SLC26A5: variants seen among roughly 807,000 people sequenced by gnomAD.
SLC26A5 encodes prestin.
Under a neutral mutation model 81.0 loss-of-function variants are expected in SLC26A5, and 51 were observed. The ratio of observed to expected loss-of-function variants is 0.63; its 90% CI spans 0.50 to 0.80. The LOEUF (loss-of-function observed/expected upper bound fraction) is 0.80. SLC26A5 is among the 30% of genes least tolerant of loss of function. The probability of loss-of-function intolerance (pLI) is 0.00; values close to 1 mark genes in which losing one functional copy is unlikely to be tolerated. For missense variants in SLC26A5, 771 were observed against 905.8 expected, an observed-to-expected ratio of 0.85 and a Z score of 1.91; for synonymous variants, 325 against 332.8, an observed-to-expected ratio of 0.98 and a Z score of 0.25.
chr7:103,365,572 T>G (rs919139602), intron 19 of SLC26A5, among the ~76,000 whole-genome samples: 2 of 152,156 alleles, frequency 1.3e-5, no homozygotes, highest in Admixed American at 6.5e-5. Context: ...AAGGTTGCAC[T>G]GAGCCAAGAT....
chr7:103,367,326 G>T lies in SLC26A5; in HGVS notation c.2041+9482C>A. On this transcript the variant is annotated intron_variant, in intron 19 of 19. Coordinates refer to the SLC26A5 transcript ENST00000339444. The surrounding 1 kb of genome is among the most constrained non-coding windows in gnomAD (Gnocchi z 6.1). Reference sequence around the variant, plus strand: ...TCACTTGTGCCTGAGGACATGATTTGAGCTGAGATTTTTGGTACTTTCAGG... The same window carrying T: ...TCACTTGTGCCTGAGGACATGATTTTAGCTGAGATTTTTGGTACTTTCAGG... The T allele has an allele frequency of 5.5e-6, 7 of 1,276,426 alleles. No homozygotes were observed. Among genetic ancestry groups the T allele is most frequent in the Non-Finnish European group, 7.9e-6 (7 of 887,370 alleles). The allele number at this position is 1,276,426 out of a possible 1,614,324, so 79.1% of individuals were successfully genotyped here.
chr7:103,393,115 G>GA lies in SLC26A5; in HGVS notation c.972-50dup, dbSNP rs760264742. The GA allele has an allele frequency of 2.6e-5, 41 of 1,602,572 alleles. 1 individual carries two copies. The Middle Eastern group carries it at 5.1e-4, about 20-fold the overall frequency. ...CTTGTGTTGTGACCACAAGGGAAAA[G>GA]AAAAAAAACCTTGCGACTGCAGGGA... On this transcript the variant is annotated intron_variant, in intron 9 of 19. Transcript: ENST00000306312.
chr7:103,443,499 T>C, intron 1 of SLC26A5, among the ~76,000 whole-genome samples: 1 of 152,212 alleles, frequency 6.6e-6, no homozygotes, highest in East Asian at 1.9e-4. Context: ...AGTTTGCATA[T>C]GAGAAATTGT....
intron 4 of SLC26A5, among the ~76,000 whole-genome samples, chr7:103,419,306 A>G (rs1302390267): frequency 6.6e-6 from 1 of 152,172 alleles, no homozygotes; most frequent in African/African-American, 2.4e-5. Context: ...CTCAGAATGA[A>G]ACCCAAAAAT....
intron 8 of SLC26A5, among the ~76,000 whole-genome samples, chr7:103,402,091 G>A (rs1167274292): frequency 6.6e-6 from 1 of 152,164 alleles, no homozygotes; most frequent in African/African-American, 2.4e-5. Context: ...AGTTAGGGAG[G>A]ATTCCCTCTT....
intron 2 of SLC26A5, among the ~76,000 whole-genome samples, chr7:103,423,099 T>TAAAA (rs564122483): frequency 6.8e-5 from 6 of 87,824 alleles, no homozygotes; most frequent in African/African-American, 2.6e-4. Flanking sequence ...CTGCCTCTAC[T>TAAAA]AAAAAAAAAA....
Position 103,367,884 on chromosome 7 carries a change from T to TTTTG in SLC26A5, c.2041+8920_2041+8923dup, listed in dbSNP as rs1314193467. On this transcript the variant is annotated intron_variant, in intron 19 of 19. Transcript: ENST00000339444. The surrounding 1 kb of genome is among the most constrained non-coding windows in gnomAD (Gnocchi z 6.1). ...CTTTAATTAAGCCCGTTTATTTTCT[T>TTTTG]TTTGTTTGAAAGGTGCTGAGATTAG... 1 of 1,611,708 alleles carries TTTTG rather than the reference T, an allele frequency of 6.2e-7. No homozygotes were observed. The highest frequency in any genetic ancestry group is 1.1e-5 in the South Asian group (1 of 90,870).
intron 8 of SLC26A5, among the ~76,000 whole-genome samples, chr7:103,401,687 G>T (rs1323205809): frequency 6.6e-6 from 1 of 152,154 alleles, no homozygotes; most frequent in East Asian, 1.9e-4. Flanking sequence ...GTATGATATT[G>T]GCTGTGGGTT....
At position 103,411,595 on chromosome 7, in the gene SLC26A5, A is replaced by G. The variant is rs1292816732; in HGVS notation, c.404-9T>C. The G allele has an allele frequency of 6.2e-7, 1 of 1,613,998 alleles. No individual in the cohort carries two copies. Among genetic ancestry groups the G allele is most frequent in the Non-Finnish European group, 8.5e-7 (1 of 1,179,974 alleles). On this transcript the variant is annotated splice_polypyrimidine_tract_variant and intron_variant, in intron 5 of 19. Coordinates refer to ENST00000306312, the MANE Select transcript of SLC26A5 (RefSeq NM_198999.3). ...AATAACAGCAAAAGGACCTGAAATA[A>G]TGAAGCATGAAGATCCCTGTTCAGG... is the stretch of plus-strand genomic sequence containing the variant.
intron 8 of SLC26A5, among the ~76,000 whole-genome samples, chr7:103,398,884 C>G (rs903431129): frequency 3.9e-5 from 6 of 152,042 alleles, no homozygotes; most frequent in Non-Finnish European, 8.8e-5. Flanking sequence ...ATGGGAGGAT[C>G]CTTTTCTGTT....
intron 19 of SLC26A5, chr7:103,363,532 A>G: frequency 8.8e-7 from 1 of 1,131,160 alleles, no homozygotes; most frequent in Non-Finnish European, 1.3e-6. Context: ...GATGGCTTTT[A>G]ATATTTTCCC....
chr7:103,404,390 A>G (rs902646517), intron 8 of SLC26A5, among the ~76,000 whole-genome samples: 2 of 152,104 alleles, frequency 1.3e-5, no homozygotes, highest in African/African-American at 4.8e-5. Context: ...TGGTGACAAA[A>G]TCTCTCAGCA....
At chr7:103,360,089 A>C (rs1820292727) in intron 19 of SLC26A5, among the ~76,000 whole-genome samples, 1 of 152,092 alleles carries the variant, frequency 6.6e-6, no homozygotes, top group Admixed American at 6.5e-5. Flanking sequence ...AAAAAAAAAA[A>C]AAAAGTTTTG....
intron 14 of SLC26A5, 133 bp from the exon 15 acceptor site, chr7:103,380,682 T>C (rs1206909003): frequency 1.3e-6 from 1 of 768,518 alleles, no homozygotes; most frequent in African/African-American, 1.7e-5. Flanking sequence ...ATGGTGCCTT[T>C]GCAGAAGGGC....
At chr7:103,425,470 A>G (rs1215625692) in intron 2 of SLC26A5, among the ~76,000 whole-genome samples, 1 of 152,220 alleles carries the variant, frequency 6.6e-6, no homozygotes, top group East Asian at 1.9e-4. Flanking sequence ...AGAATCTGAG[A>G]GAGAGAGAAA....
intron 15 of SLC26A5, among the ~76,000 whole-genome samples, chr7:103,380,000 A>T (rs1395508491): frequency 6.6e-6 from 1 of 152,172 alleles, no homozygotes; most frequent in East Asian, 1.9e-4. Context: ...CCGACAGACA[A>T]AACTAGTTTT....
Position 103,413,012 on chromosome 7 carries a change from G to T in SLC26A5, c.393C>A (p.His131Gln). 2 of 1,601,704 alleles carry T rather than the reference G, an allele frequency of 1.2e-6. No homozygotes were observed. Among genetic ancestry groups the T allele is most frequent in the South Asian group, 2.2e-5 (2 of 90,842 alleles). ...IMYCFLGTSR[H>Q]ISIGPFAVIS... ...AATGTAAGCTTTTACCTATGGATAT[G>T]TGTCTGGAGGTTCCAAGAAAACAAT... The change falls in exon 5 of 20, where the codon CAC becomes CAA. Residue 131 changes from histidine (H) to glutamine (Q), a missense_variant. Transcript: ENST00000306312.
intron 18 of SLC26A5, among the ~76,000 whole-genome samples, chr7:103,377,284 T>C (rs1268496275): frequency 6.6e-6 from 1 of 152,212 alleles, no homozygotes; most frequent in Non-Finnish European, 1.5e-5. Context: ...ACGAATCTTC[T>C]TGTAGCAATA....
chr7:103,444,354 C>T lies in SLC26A5; in HGVS notation c.-182-1143G>A, dbSNP rs1004926885. Among the ~76,000 whole-genome samples, 6 of 152,288 alleles carry T rather than the reference C, an allele frequency of 3.9e-5. No homozygotes were observed. The East Asian group carries it at 9.6e-4, about 24-fold the overall frequency. On this transcript the variant is annotated intron_variant, in intron 1 of 19. Transcript: ENST00000306312. Reference sequence around the variant, plus strand: ...TATTTATCATGATTTCCCTAGAAAACTGTTTCACTTGGGTTACTAAAATGC... The same window carrying T: ...TATTTATCATGATTTCCCTAGAAAATTGTTTCACTTGGGTTACTAAAATGC...
Sources: gnomAD v4.1 joint callset for allele counts (sites outside exome capture counted in the v4.1 genomes callset) on GRCh38, gnomAD v4.1.1 for gene constraint, Gnocchi (gnomAD v3.1) non-coding constraint, MANE v1.5 for transcripts, NCBI Gene and HGNC (gene_info 2026-07-23, HGNC 2026-07-21) for gene names.